The following TWNK variants were observed in gnomAD, a reference collection of about 807,000 sequenced individuals.
The protein encoded by TWNK is twinkle mtDNA helicase.
Under a neutral mutation model 58.2 loss-of-function variants are expected in TWNK, and 36 were observed. That is an observed-to-expected ratio of 0.62 (90% CI 0.47 to 0.82). TWNK has a LOEUF of 0.82. Among genes scored for constraint, TWNK ranks in the 40% least tolerant of loss-of-function variants. TWNK has a pLI of 0.00. For missense variants in TWNK, 714 were observed against 881.0 expected, an observed-to-expected ratio of 0.81 and a Z score of 2.40; for synonymous variants, 349 against 348.5, an observed-to-expected ratio of 1.00 and a Z score of -0.02.
At position 100,988,044 on chromosome 10, in the gene TWNK, A is replaced by C; in HGVS notation, c.-167A>C. On this transcript the variant is annotated 5_prime_UTR_variant, in exon 1 of 5. Transcript: ENST00000311916. This position sits in a 1 kb window ranked among gnomAD's most constrained non-coding sequence, Gnocchi z 5.2. ...GTGTAGATGGGCATATGTGTGAAGCAGCAACGTAGAGGGGCTGAAGAGGAG... is the reference window on the plus strand; with the variant it reads ...GTGTAGATGGGCATATGTGTGAAGCCGCAACGTAGAGGGGCTGAAGAGGAG... The C allele has an allele frequency of 1.2e-6, 1 of 804,042 alleles. No homozygotes were observed. Among genetic ancestry groups the C allele is most frequent in the South Asian group, 1.5e-5 (1 of 68,920 alleles). The allele number at this position is 804,042 out of a possible 1,614,324, so 49.8% of individuals were successfully genotyped here.
In TWNK at chr10:100,993,437, C is replaced by T. The variant is rs1384180531; in HGVS notation, c.1982C>T (p.Thr661Ile). 2.5e-6 allele frequency: 4 copies of T among 1,614,116 alleles called. No homozygotes were observed. The African/African-American group carries it at 5.3e-5, about 22-fold the overall frequency. The change falls in exon 5 of 5, where the codon ACA (threonine) becomes ATA (isoleucine). Residue 661 changes from threonine (T) to isoleucine (I), a missense_variant. Transcript: ENST00000311916. ...TCTTCTGGCAAAAAGGGGGCTACGA[C>T]ACAGAACTCTGAGATTTGCTCAGGC... ...KPSSGKKGATTQNSEICSGQA... is the reference protein window; with the variant it reads ...KPSSGKKGATIQNSEICSGQA...
Position 100,989,429 on chromosome 10 carries a change from A to G in TWNK, c.1219A>G (p.Lys407Glu). ...DLNRILKGHR[K>E]GELTVFTGPT... ...CAATCGTATCTTGAAGGGACATCGAAAGGGCGAGCTGACGGTCTTCACAGG... is the reference window on the plus strand; with the variant it reads ...CAATCGTATCTTGAAGGGACATCGAGAGGGCGAGCTGACGGTCTTCACAGG... Residue 407 changes from lysine (K) to glutamate (E), a missense_variant, in exon 1 of 5, where the codon AAG (lysine) becomes GAG (glutamate). Physicochemically the swap from Lys to Glu is moderately conservative, Grantham distance 56. Around this residue, in one of 3 missense-constraint regions of TWNK, gnomAD observed 302 missense variants for 438.6 expected, o/e 0.69. Transcript: ENST00000311916. The surrounding 1 kb of genome is among the most constrained non-coding windows in gnomAD (Gnocchi z 7.6). 6.2e-7 allele frequency: 1 copy of G among 1,614,104 alleles called. No homozygotes were observed. Among genetic ancestry groups the G allele is most frequent in the Non-Finnish European group, 8.5e-7 (1 of 1,180,036 alleles).
chr10:100,992,628 C>T (rs1341388003), intron 4 of TWNK, among the ~76,000 whole-genome samples: 1 of 150,730 alleles, frequency 6.6e-6, no homozygotes, highest in Non-Finnish European at 1.5e-5. Flanking sequence ...AGTGGGGTGG[C>T]CCGCTGTGGA....
At chr10:100,993,120 T>C in intron 4 of TWNK, 70 bp from the exon 5 acceptor site, 1 of 1,517,372 alleles carries the variant, frequency 6.6e-7, no homozygotes, top group East Asian at 2.3e-5. Context: ...CCCTGCCCTG[T>C]CAGCCCCCCT....
chr10:100,993,560 G>A lies in TWNK; in HGVS notation c.*50G>A, dbSNP rs770257240. On this transcript the variant is annotated 3_prime_UTR_variant, in exon 5 of 5. Transcript: ENST00000311916. ...AATGAGCCTGATAGGATAGGCTGGA[G>A]CATAAAACTCTGCAAGGGCTCCTCT... 6.3e-7 allele frequency: 1 copy of A among 1,593,278 alleles called. No homozygotes were observed. The highest frequency in any genetic ancestry group is 8.6e-7 in the Non-Finnish European group (1 of 1,163,654).
intron 2 of TWNK, 82 bp from the exon 3 acceptor site, chr10:100,990,354 A>G (rs1373193547): frequency 3.0e-6 from 3 of 991,130 alleles, no homozygotes; most frequent in Non-Finnish European, 4.9e-6. Context: ...GAGGCAGCCA[A>G]GAGAGTTTTC....
rs113439994 is a variant in TWNK at position 100,990,865 on chromosome 10, G to A, written c.1593-4G>A. On this transcript the variant is annotated splice_region_variant and splice_polypyrimidine_tract_variant and intron_variant, in intron 3 of 4. Coordinates refer to ENST00000311916, the MANE Select transcript of TWNK (RefSeq NM_021830.5). Reference sequence around the variant, plus strand: ...AAGCTCTTTGTGTTGTTGGGATGGCGTAGGATCGCAGCTCAAGACTACATC... The same window carrying A: ...AAGCTCTTTGTGTTGTTGGGATGGCATAGGATCGCAGCTCAAGACTACATC... 16 of 1,612,896 alleles carry A rather than the reference G, an allele frequency of 9.9e-6. 1 individual carries two copies. The highest frequency in any genetic ancestry group is 2.2e-5 in the South Asian group (2 of 90,888).
Position 100,993,670 on chromosome 10 carries a change from G to A in TWNK, c.*160G>A. 1 of 762,600 alleles carries A rather than the reference G, an allele frequency of 1.3e-6. No individual in the cohort carries two copies. The highest frequency in any genetic ancestry group is 2.2e-6 in the Non-Finnish European group (1 of 460,428). 47.2% of individuals were successfully genotyped at this position (762,600 alleles called of 1,614,324 possible). On this transcript the variant is annotated 3_prime_UTR_variant, in exon 5 of 5. Transcript: ENST00000311916. The stretch of plus-strand genomic sequence containing the variant: ...TTCCATAGTGAGAAAATTCAATGTA[G>A]CAGACTACTGAGAAACTACTGTGTT...
In TWNK at chr10:100,993,222, G is replaced by C. The variant is rs150166075; in HGVS notation, c.1767G>C (p.Leu589=). The C allele has an allele frequency of 3.7e-6, 6 of 1,614,066 alleles. No homozygotes were observed. Among genetic ancestry groups the C allele is most frequent in the African/African-American group, 1.3e-5 (1 of 74,922 alleles). Residue 589 remains leucine, a synonymous_variant, in exon 5 of 5, where the codon CTG becomes CTC. Transcript: ENST00000311916. ...AGGAAGCAGACAATGTTCTGATCCTGCAGGACAGGAAGCTGGTAACCGGGC... is the reference window on the plus strand; with the variant it reads ...AGGAAGCAGACAATGTTCTGATCCTCCAGGACAGGAAGCTGGTAACCGGGC... The part of the protein sequence containing the change: ...ASQEADNVLI[L]QDRKLVTGPG...
rs1229757197 is a variant in TWNK at position 100,987,588 on chromosome 10, C to G, written c.-623C>G. ...TAGCATGTGCGGGAGACTCACGTTG[C>G]CGGCGAAGTGGGAGAGAGAAAAGTG... On this transcript the variant is annotated 5_prime_UTR_variant, in exon 1 of 5. Transcript: ENST00000311916. 7 of 1,254,782 alleles carry G rather than the reference C, an allele frequency of 5.6e-6. No individual in the cohort carries two copies. The highest frequency in any genetic ancestry group is 7.5e-6 in the Non-Finnish European group (7 of 931,448). The allele number at this position is 1,254,782 out of a possible 1,614,324, so 77.7% of individuals were successfully genotyped here.
chr10:100,989,924 A>G lies in TWNK; in HGVS notation c.1484+40A>G. ...TTCCAGCCACCTTGCTTTCCCAGAC[A>G]TATCCCAGCACTCAGGAACCTTTGG... On this transcript the variant is annotated intron_variant, in intron 2 of 4. Coordinates refer to ENST00000311916, the MANE Select transcript of TWNK (RefSeq NM_021830.5). This position sits in a 1 kb window ranked among gnomAD's most constrained non-coding sequence, Gnocchi z 7.6. 6.8e-6 allele frequency: 11 copies of G among 1,613,518 alleles called. No homozygotes were observed. The highest frequency in any genetic ancestry group is 8.5e-6 in the Non-Finnish European group (10 of 1,179,552).
chr10:100,993,823 A>G lies in TWNK; in HGVS notation c.*313A>G. 2.4e-6 allele frequency: 1 copy of G among 423,174 alleles called. No homozygotes were observed. The highest frequency in any genetic ancestry group is 2.6e-5 in the South Asian group (1 of 38,284). The allele number at this position is 423,174 out of a possible 1,614,324, so 26.2% of individuals were successfully genotyped here. ...ATTAGCAGAAAACCTAGTTTTAGTG[A>G]AAAATGCTGTAAAGAAAATAGAAAT... On this transcript the variant is annotated 3_prime_UTR_variant, in exon 5 of 5. Coordinates refer to ENST00000311916, the MANE Select transcript of TWNK (RefSeq NM_021830.5).
chr10:100,993,480 C>T lies in TWNK; in HGVS notation c.2025C>T (p.Asp675=). The T allele has an allele frequency of 6.2e-7, 1 of 1,614,196 alleles. No homozygotes were observed. The highest frequency in any genetic ancestry group is 8.5e-7 in the Non-Finnish European group (1 of 1,180,036). ...GCTCAGGCCAGGCCCCCACTCCCGACCAGCCAGACACCTCCAAGCGTTCAA... is the reference window on the plus strand; with the variant it reads ...GCTCAGGCCAGGCCCCCACTCCCGATCAGCCAGACACCTCCAAGCGTTCAA... ...EICSGQAPTP[D]QPDTSKRSK Residue 675 remains aspartate (D), a synonymous_variant, in exon 5 of 5, where the codon GAC becomes GAT. Coordinates refer to ENST00000311916, the MANE Select transcript of TWNK (RefSeq NM_021830.5).
rs1390351815 is a variant in TWNK at position 100,988,236 on chromosome 10, A to G, written c.26A>G (p.Tyr9Cys). The G allele has an allele frequency of 8.1e-6, 13 of 1,613,622 alleles. No homozygotes were observed. Among genetic ancestry groups the G allele is most frequent in the Non-Finnish European group, 1.1e-5 (13 of 1,179,962 alleles). The stretch of plus-strand genomic sequence containing the variant: ...ATGTGGGTCCTCCTCCGAAGTGGGT[A>G]CCCCCTCCGTATCTTGTTACCCCTG... Reference protein sequence around the residue: MWVLLRSGYPLRILLPLRG... With the variant: MWVLLRSGCPLRILLPLRG... The change falls in exon 1 of 5, where the codon TAC (tyrosine) becomes TGC (cysteine). Residue 9 changes from tyrosine to cysteine, a missense_variant. Physicochemically the swap from Tyr to Cys is radical, Grantham distance 194. Around this residue, in one of 3 missense-constraint regions of TWNK, gnomAD observed 348 missense variants for 388.4 expected, o/e 0.90. Coordinates refer to ENST00000311916, the MANE Select transcript of TWNK (RefSeq NM_021830.5). This position sits in a 1 kb window ranked among gnomAD's most constrained non-coding sequence, Gnocchi z 5.2.
Position 100,993,484 on chromosome 10 carries a change from C to G in TWNK, c.2029C>G (p.Pro677Ala), listed in dbSNP as rs891782757. 1 of 1,614,054 alleles carries G rather than the reference C, an allele frequency of 6.2e-7. No individual in the cohort carries two copies. The highest frequency in any genetic ancestry group is 1.3e-5 in the African/African-American group (1 of 74,950). ...CSGQAPTPDQ[P>A]DTSKRSK ...AGGCCAGGCCCCCACTCCCGACCAG[C>G]CAGACACCTCCAAGCGTTCAAAGTG... The change falls in exon 5 of 5, where the codon CCA becomes GCA. Residue 677 changes from proline (P) to alanine (A), a missense_variant. Pro to Ala is a conservative substitution (Grantham distance 27). Transcript: ENST00000311916.
At position 100,989,353 on chromosome 10, in the gene TWNK, G is replaced by T. The variant is rs975690014; in HGVS notation, c.1143G>T (p.Leu381=). The change falls in exon 1 of 5, where the codon CTG becomes CTT. Residue 381 remains leucine (L), a synonymous_variant. Coordinates refer to ENST00000311916, the MANE Select transcript of TWNK (RefSeq NM_021830.5). This position sits in a 1 kb window ranked among gnomAD's most constrained non-coding sequence, Gnocchi z 7.6. ...RQLREEVLGE[L]SNVEQAAGLR... is the part of the protein sequence containing the mutation. Reference sequence around the variant, plus strand: ...TTCGGGAGGAGGTGCTAGGAGAACTGTCAAATGTGGAGCAAGCAGCTGGCC... The same window carrying T: ...TTCGGGAGGAGGTGCTAGGAGAACTTTCAAATGTGGAGCAAGCAGCTGGCC... 6.2e-7 allele frequency: 1 copy of T among 1,614,102 alleles called. No individual in the cohort carries two copies. The highest frequency in any genetic ancestry group is 1.7e-5 in the Admixed American group (1 of 60,012).
intron 4 of TWNK, among the ~76,000 whole-genome samples, chr10:100,991,713 C>T (rs1220202235): frequency 6.6e-6 from 1 of 151,864 alleles, no homozygotes. Flanking sequence ...CCTGTCTCTA[C>T]AAAAATATTT....
chr10:100,993,811 C>G lies in TWNK; in HGVS notation c.*301C>G, dbSNP rs41291468. 1 of 450,006 alleles carries G rather than the reference C, an allele frequency of 2.2e-6. No homozygotes were observed. The highest frequency in any genetic ancestry group is 3.8e-5 in the Admixed American group (1 of 26,378). The allele number at this position is 450,006 out of a possible 1,614,324, so 27.9% of individuals were successfully genotyped here. ...AGCAATGAACAAATTAGCAGAAAAC[C>G]TAGTTTTAGTGAAAAATGCTGTAAA... On this transcript the variant is annotated 3_prime_UTR_variant, in exon 5 of 5. Transcript: ENST00000311916.
chr10:100,990,624 C>G, intron 3 of TWNK, 81 bp downstream of exon 3: 1 of 1,611,084 alleles, frequency 6.2e-7, no homozygotes, highest in Non-Finnish European at 8.5e-7. Flanking sequence ...GGCCTCTAGG[C>G]ACACATGCTG....
Sources: gnomAD v4.1 joint callset for allele counts (sites outside exome capture counted in the v4.1 genomes callset) on GRCh38, gnomAD v4.1.1 for gene constraint, gnomAD v4.1.1 regional missense constraint, Gnocchi (gnomAD v3.1) non-coding constraint, MANE v1.5 for transcripts, NCBI Gene and HGNC (gene_info 2026-07-23, HGNC 2026-07-21) for gene names.